The following FARP1 variants were observed in gnomAD, a reference collection of about 807,000 sequenced individuals.
FARP1 encodes FERM, ARHGEF and pleckstrin domain-containing protein 1.
Under a neutral mutation model 128.8 loss-of-function variants are expected in FARP1, and 52 were observed. The ratio of observed to expected loss-of-function variants is 0.40; its 90% CI spans 0.32 to 0.51. The LOEUF (loss-of-function observed/expected upper bound fraction) is 0.51. Among genes scored for constraint, FARP1 ranks in the 20% least tolerant of loss-of-function variants. The probability of loss-of-function intolerance (pLI) is 0.45; values close to 1 mark genes in which losing one functional copy is unlikely to be tolerated. For synonymous variants in FARP1, 580 were observed against 551.8 expected (o/e 1.05, Z -0.72); for missense variants, 1,333 against 1,367.9 (o/e 0.97, Z 0.40).
In FARP1 at chr13:98,449,539, C is replaced by T. The variant is rs1040499133; in HGVS notation, c.*1222C>T. 9 of 152,584 alleles carry T rather than the reference C, an allele frequency of 5.9e-5. No individual in the cohort carries two copies. Among genetic ancestry groups the T allele is most frequent in the Non-Finnish European group, 1.5e-5 (1 of 68,052 alleles). The allele number at this position is 152,584 out of a possible 1,614,324, so 9.5% of individuals were successfully genotyped here. A position where few individuals can be genotyped will look rare whatever the true frequency, so the allele number is the denominator to read the frequency against. On this transcript the variant is annotated 3_prime_UTR_variant, in exon 27 of 27. Coordinates refer to ENST00000319562, the MANE Select transcript of FARP1 (RefSeq NM_005766.4). ...GAGGGCCAATTCAACCCCATTCTTT[C>T]CAGCGCCCCGCACCATAGCACCTGC...
intron 2 of FARP1, among the ~76,000 whole-genome samples, chr13:98,273,377 G>T (rs531818195): frequency 6.6e-6 from 1 of 152,108 alleles, no homozygotes; most frequent in Non-Finnish European, 1.5e-5. Context: ...TCTGTTTTGC[G>T]AATCTTATGA....
At position 98,395,321 on chromosome 13, in the gene FARP1, G is replaced by C; in HGVS notation, c.1259G>C (p.Gly420Ala). ...GGAAAGGAACCGAAGGTTTCCGCCG[G>C]GGAGCCGGGGTCGCACCCGAGCCCT... ...RRGKEPKVSA[G>A]EPGSHPSPAP... The change falls in exon 13 of 27, where the codon GGG becomes GCG. Residue 420 changes from glycine (G) to alanine (A), a missense_variant. Gly to Ala is a moderately conservative substitution (Grantham distance 60). Coordinates refer to ENST00000319562, the MANE Select transcript of FARP1 (RefSeq NM_005766.4). 6.2e-7 allele frequency: 1 copy of C among 1,610,422 alleles called. No homozygotes were observed. The highest frequency in any genetic ancestry group is 8.5e-7 in the Non-Finnish European group (1 of 1,177,712).
intron 2 of FARP1, among the ~76,000 whole-genome samples, chr13:98,217,692 G>T (rs1443445688): frequency 1.3e-5 from 2 of 152,198 alleles, no homozygotes; most frequent in African/African-American, 4.8e-5. Context: ...GTCCTCGGCG[G>T]TTTGTTTTCT....
intron 16 of FARP1, among the ~76,000 whole-genome samples, chr13:98,413,839 C>T (rs576531622): frequency 2.6e-4 from 40 of 152,260 alleles, no homozygotes; most frequent in African/African-American, 5.5e-4. Context: ...CTCTGGCCAG[C>T]GAGACATGTG....
intron 3 of FARP1, among the ~76,000 whole-genome samples, chr13:98,364,914 GGTCAGTAGCTT>G (rs1239183587): frequency 1.3e-5 from 2 of 152,180 alleles, no homozygotes; most frequent in Non-Finnish European, 2.9e-5. Context: ...TGTCTGGAGA[GGTCAGTAGCTT>G]ATAGGTAGTG....
intron 5 of FARP1, among the ~76,000 whole-genome samples, chr13:98,373,533 GACACACACACACAC>G (rs58658962): frequency 1.6e-3 from 204 of 131,072 alleles, no homozygotes; most frequent in African/African-American, 4.7e-3. Flanking sequence ...CAGACAGACA[GACACACACACACAC>G]ACACACACAC....
intron 2 of FARP1, among the ~76,000 whole-genome samples, chr13:98,306,513 C>T (rs1348243727): frequency 6.7e-6 from 1 of 149,650 alleles, no homozygotes; most frequent in Non-Finnish European, 1.5e-5. Context: ...TTATCTTTTT[C>T]TTTCTTTCTT....
intron 1 of FARP1, among the ~76,000 whole-genome samples, chr13:98,174,296 T>C (rs1418702155): frequency 2.6e-5 from 4 of 152,210 alleles, no homozygotes; most frequent in Non-Finnish European, 2.9e-5. Flanking sequence ...TTTCAAAAGG[T>C]TGGTGACTTG....
chr13:98,244,771 G>A, intron 2 of FARP1: 2 of 1,595,520 alleles, frequency 1.3e-6, no homozygotes, highest in Non-Finnish European at 1.7e-6. Context: ...AATGGCCAGA[G>A]TTAAATTCAA....
intron 1 of FARP1, among the ~76,000 whole-genome samples, chr13:98,185,728 CT>C (rs1878819664): frequency 6.6e-6 from 1 of 151,174 alleles, no homozygotes; most frequent in South Asian, 2.1e-4. Flanking sequence ...GATGGAGTCT[CT>C]CTCTGTCGCC....
At chr13:98,312,591 C>G (rs183623159) in intron 2 of FARP1, among the ~76,000 whole-genome samples, 8 of 152,204 alleles carry the variant, frequency 5.3e-5, no homozygotes, top group East Asian at 3.9e-4. Flanking sequence ...TGCTTCCCCC[C>G]CCACCGGAAA....
Position 98,178,189 on chromosome 13 carries a change from ATTTTTT to A in FARP1, c.-24+34716_-24+34721del, listed in dbSNP as rs57310501. ...CTGGTACCTAAGATAATCATTTTTA[ATTTTTT>A]TTTTTTTTTTTTTTTTTTGAGAAAG... On this transcript the variant is annotated intron_variant, in intron 1 of 26. Transcript: ENST00000319562. 9.7e-5 allele frequency among the ~76,000 whole-genome samples: 11 copies of A among 112,966 alleles called. No homozygotes were observed. The East Asian group carries it at 1.8e-3, about 19-fold the overall frequency. 74.1% of individuals were successfully genotyped at this position (112,966 alleles called of 152,430 possible). A position where few individuals can be genotyped will look rare whatever the true frequency, so the allele number is the denominator to read the frequency against.
chr13:98,440,692 G>A lies in FARP1; in HGVS notation c.2652G>A (p.Ala884=), dbSNP rs367927430. 179 of 1,612,948 alleles carry A rather than the reference G, an allele frequency of 1.1e-4. 3 individuals are homozygous for A. Among genetic ancestry groups the A allele is most frequent in the South Asian group, 2.5e-4 (23 of 91,018 alleles). ...TAGAGTCCCCTGATGAAGCCACCGC[G>A]GCTGACCAGGAGTCAGAGGATGACC... The part of the protein sequence containing the change: ...PDNKSPDEAT[A]ADQESEDDLS... The change falls in exon 24 of 27, where the codon GCG becomes GCA. Residue 884 remains alanine, a synonymous_variant. Transcript: ENST00000319562.
At chr13:98,178,997 G>A (rs1416719172) in intron 1 of FARP1, among the ~76,000 whole-genome samples, 1 of 152,184 alleles carries the variant, frequency 6.6e-6, no homozygotes, top group Non-Finnish European at 1.5e-5. Flanking sequence ...ACACTGGACT[G>A]TCCTTTGTGT....
At chr13:98,396,843 ATGTT>A (rs1158494701) in intron 13 of FARP1, 1 of 176,762 alleles carries the variant, frequency 5.7e-6, no homozygotes, top group Non-Finnish European at 1.2e-5. Flanking sequence ...TTTTCTGTGT[ATGTT>A]CAATTATGCA....
At chr13:98,271,085 A>T (rs1884368188) in intron 2 of FARP1, among the ~76,000 whole-genome samples, 1 of 152,222 alleles carries the variant, frequency 6.6e-6, no homozygotes, top group South Asian at 2.1e-4. Context: ...AGTCAGGATG[A>T]CAGAAGAGCT....
intron 2 of FARP1, among the ~76,000 whole-genome samples, chr13:98,274,911 G>T (rs1293752969): frequency 1.3e-5 from 2 of 152,114 alleles, no homozygotes; most frequent in African/African-American, 4.8e-5. Flanking sequence ...TATTCTCAAG[G>T]TTTTAATTTA....
At chr13:98,334,317 T>G (rs1254602083) in intron 2 of FARP1, 1 of 152,250 alleles carries the variant, frequency 6.6e-6, no homozygotes, top group Non-Finnish European at 1.5e-5. Context: ...TACACAGATG[T>G]TACTGCTGAT....
chr13:98,267,578 C>G (rs1884184911), intron 2 of FARP1, among the ~76,000 whole-genome samples: 1 of 152,174 alleles, frequency 6.6e-6, no homozygotes, highest in African/African-American at 2.4e-5. Context: ...TTTCTATATC[C>G]TTATTGGAAA....
Sources: allele counts gnomAD v4.1 joint callset (sites outside exome capture counted in the v4.1 genomes callset), GRCh38; gene constraint gnomAD v4.1.1; transcripts MANE v1.5; gene names NCBI Gene and HGNC (gene_info 2026-07-23, HGNC 2026-07-21).